The following RARB variants were observed in gnomAD, a reference collection of about 807,000 sequenced individuals.
RARB encodes the protein HBV-activated protein.
A neutral mutation model predicts 51.9 loss-of-function variants in RARB; 17 were observed. The ratio of observed to expected loss-of-function variants is 0.33; its 90% CI spans 0.22 to 0.49. The LOEUF (loss-of-function observed/expected upper bound fraction) is 0.49, where lower values mean the gene tolerates loss of function less well. Ranked by LOEUF, RARB falls within the 20% of genes least tolerant of loss-of-function variation. RARB has a pLI of 0.99. For missense variants in RARB, 369 were observed against 550.8 expected (o/e 0.67, Z 3.30); for synonymous variants, 215 against 195.4 (o/e 1.10, Z -0.84).
At position 25,076,151 on chromosome 3, in the gene RARB, T is replaced by A. The variant is rs372309893; in HGVS notation, c.-328+15975T>A. Among the ~76,000 whole-genome samples, 263 of 152,168 alleles carry A rather than the reference T, an allele frequency of 1.7e-3. No individual in the cohort carries two copies. In the Middle Eastern group the frequency reaches 0.027, roughly 16 times the overall value. ...ATCCCCAGAAGCAGTTATTTATTTTTTTTTTTTTTAGACAAAATCTCTCTC... is the reference window on the plus strand; with the variant it reads ...ATCCCCAGAAGCAGTTATTTATTTTATTTTTTTTTAGACAAAATCTCTCTC... On this transcript the variant is annotated intron_variant, in intron 3 of 11. Coordinates refer to the RARB transcript ENST00000383772.
intron 2 of RARB, among the ~76,000 whole-genome samples, chr3:25,478,470 G>A (rs533493226): frequency 6.6e-6 from 1 of 152,286 alleles, no homozygotes; most frequent in Admixed American, 6.5e-5. Context: ...GGCTCATTCT[G>A]AAAAGCAGAT....
chr3:25,534,584 G>A (rs953729855), intron 3 of RARB, among the ~76,000 whole-genome samples: 1 of 152,024 alleles, frequency 6.6e-6, no homozygotes, highest in Non-Finnish European at 1.5e-5. Context: ...GCTTTCCTGG[G>A]CCCCCCGGCA....
chr3:25,172,276 A>G (rs1242667246), intron 4 of RARB, among the ~76,000 whole-genome samples: 5 of 152,230 alleles, frequency 3.3e-5, no homozygotes, highest in Non-Finnish European at 7.3e-5. Flanking sequence ...ACAGGCGTTC[A>G]AAATATATAA....
chr3:25,077,592 G>T (rs1171609380), intron 3 of RARB, among the ~76,000 whole-genome samples: 3 of 152,118 alleles, frequency 2.0e-5, no homozygotes, highest in African/African-American at 7.2e-5. Context: ...TTGGTGGATG[G>T]ACATTTGGTT....
At chr3:25,278,185 T>G (rs1483847) in intron 5 of RARB, among the ~76,000 whole-genome samples, 124,271 of 152,130 alleles carry the variant, frequency 0.82, 50,841 homozygotes, top group East Asian at 0.85. Context: ...GGTGTGGTGG[T>G]TGGCGGTACA....
intron 2 of RARB, among the ~76,000 whole-genome samples, chr3:25,496,709 G>A (rs555009182): frequency 4.1e-4 from 62 of 152,300 alleles, no homozygotes; most frequent in African/African-American, 1.4e-3. Flanking sequence ...TGATTGCCTA[G>A]GAGAGGAAGC....
At chr3:25,243,849 C>G (rs577557717) in intron 5 of RARB, among the ~76,000 whole-genome samples, 1 of 152,268 alleles carries the variant, frequency 6.6e-6, no homozygotes, top group South Asian at 2.1e-4. Context: ...AGGAGTCTTT[C>G]TTTTTCTATT....
At position 25,288,269 on chromosome 3, in the gene RARB, A is replaced by G. The variant is rs548953136; in HGVS notation, c.178+113694A>G. ...GAGGAAAATGGCTAAGACATTCTGGATATTAAAAATAAAAACAGCAGCAAA... is the reference window on the plus strand; with the variant it reads ...GAGGAAAATGGCTAAGACATTCTGGGTATTAAAAATAAAAACAGCAGCAAA... On this transcript the variant is annotated intron_variant, in intron 5 of 11. Coordinates refer to the RARB transcript ENST00000383772. 5.9e-5 allele frequency among the ~76,000 whole-genome samples: 9 copies of G among 152,286 alleles called. No homozygotes were observed. The East Asian group carries it at 1.5e-3, about 26-fold the overall frequency.
At chr3:24,962,919 A>G (rs1696173142) in intron 2 of RARB, among the ~76,000 whole-genome samples, 1 of 152,132 alleles carries the variant, frequency 6.6e-6, no homozygotes, top group Admixed American at 6.6e-5. Context: ...CATTTTACAG[A>G]TGAGGAACTG....
intron 3 of RARB, among the ~76,000 whole-genome samples, chr3:25,569,417 G>A (rs1340526464): frequency 6.6e-6 from 1 of 152,208 alleles, no homozygotes; most frequent in Non-Finnish European, 1.5e-5. Flanking sequence ...TCCCATTTGA[G>A]GGTAAAGCTC....
chr3:25,390,309 G>A (rs530690200), intron 5 of RARB, among the ~76,000 whole-genome samples: 1 of 152,256 alleles, frequency 6.6e-6, no homozygotes, highest in East Asian at 1.9e-4. Context: ...TGACCAGGAA[G>A]CTTGTGGACC....
chr3:25,237,404 CT>C, intron 5 of RARB, among the ~76,000 whole-genome samples: 1 of 150,968 alleles, frequency 6.6e-6, no homozygotes, highest in East Asian at 1.9e-4. Flanking sequence ...TCTTTTTGCA[CT>C]TCAATATTCT....
At chr3:25,507,605 G>A (rs1362503843) in intron 3 of RARB, among the ~76,000 whole-genome samples, 1 of 152,206 alleles carries the variant, frequency 6.6e-6, no homozygotes, top group Non-Finnish European at 1.5e-5. Flanking sequence ...GCTGAGCTGA[G>A]CAGGTGTCTT....
At chr3:24,955,922 C>T (rs1003830344) in intron 2 of RARB, among the ~76,000 whole-genome samples, 2 of 152,108 alleles carry the variant, frequency 1.3e-5, no homozygotes, top group African/African-American at 2.4e-5. Context: ...GGATGACATC[C>T]AGTCTCCTCT....
At chr3:25,164,950 G>T (rs888400227) in intron 4 of RARB, among the ~76,000 whole-genome samples, 10 of 152,008 alleles carry the variant, frequency 6.6e-5, no homozygotes, top group African/African-American at 2.4e-4. Flanking sequence ...TAATCTCAAC[G>T]TGCAGGTCGA....
chr3:25,566,559 T>C lies in RARB; in HGVS notation c.449-3199T>C, dbSNP rs1301929279. The stretch of plus-strand genomic sequence containing the variant: ...GCACAACCCAACAGAGATGCCCAAC[T>C]TGGTGCCCAGCTGCAGCTCACCCAG... On this transcript the variant is annotated intron_variant, in intron 3 of 7. Transcript: ENST00000330688. 3.3e-5 allele frequency among the ~76,000 whole-genome samples: 5 copies of C among 152,194 alleles called. No individual in the cohort carries two copies. The East Asian group carries it at 9.6e-4, about 29-fold the overall frequency.
At chr3:25,005,860 A>T (rs1303419042) in intron 2 of RARB, among the ~76,000 whole-genome samples, 1 of 152,098 alleles carries the variant, frequency 6.6e-6, no homozygotes, top group Non-Finnish European at 1.5e-5. Context: ...TTTCTATTTC[A>T]CTTAGCATAA....
At chr3:25,510,469 C>CA (rs549256763) in intron 3 of RARB, among the ~76,000 whole-genome samples, 5 of 151,778 alleles carry the variant, frequency 3.3e-5, no homozygotes, top group Admixed American at 2.0e-4. Flanking sequence ...ACTAAAAATA[C>CA]AAAAAAATTA....
intron 5 of RARB, among the ~76,000 whole-genome samples, chr3:25,404,382 G>A (rs1707349050): frequency 6.6e-6 from 1 of 152,280 alleles, no homozygotes; most frequent in South Asian, 2.1e-4. Flanking sequence ...ACTTGCTAAT[G>A]CTTATTTGCA....
Sources: allele counts gnomAD v4.1 joint callset (sites outside exome capture counted in the v4.1 genomes callset), GRCh38; gene constraint gnomAD v4.1.1; transcripts MANE v1.5; gene names NCBI Gene and HGNC (gene_info 2026-07-23, HGNC 2026-07-21).